Variants in DPP10 observed in about 807,000 individuals in gnomAD.
DPP10 encodes the protein dipeptidyl peptidase like 10.
A neutral mutation model predicts 120.9 loss-of-function variants in DPP10; 33 were observed. The observed-to-expected ratio is 0.27, with a 90% confidence interval of 0.21 to 0.37. DPP10 has a LOEUF of 0.37. Among genes scored for constraint, DPP10 ranks in the 10% least tolerant of loss-of-function variants. The pLI is 1.00. For synonymous variants in DPP10, 337 were observed against 326.1 expected (o/e 1.03, Z -0.36); for missense variants, 816 against 942.8 (o/e 0.87, Z 1.76).
chr2:114,888,130 G>A lies in DPP10; in HGVS notation c.61-421109G>A, dbSNP rs572418299. 3.5e-5 allele frequency among the ~76,000 whole-genome samples: 5 copies of A among 144,076 alleles called. No individual in the cohort carries two copies. In the South Asian group the frequency reaches 6.6e-4, roughly 19 times the overall value. The allele number at this position is 144,076 out of a possible 152,430, so 94.5% of individuals were successfully genotyped here. A position where few individuals can be genotyped will look rare whatever the true frequency, so the allele number is the denominator to read the frequency against. Reference sequence around the variant, plus strand: ...TGCACTCCAGCCTGGGCGACAGAGCGAGCCTCCGTCTCAAAAAAAAAAAAA... The same window carrying A: ...TGCACTCCAGCCTGGGCGACAGAGCAAGCCTCCGTCTCAAAAAAAAAAAAA... On this transcript the variant is annotated intron_variant, in intron 1 of 25. Transcript: ENST00000410059.
At position 115,668,493 on chromosome 2, in the gene DPP10, AG is replaced by A. The variant is rs1299477849; in HGVS notation, c.442-21193del. Reference sequence around the variant, plus strand: ...GAATTTCCCAGACCCCAGGAGCATGAGCCAAATAAACTTCTATTTGTTATAA... The same window carrying A: ...GAATTTCCCAGACCCCAGGAGCATGACCAAATAAACTTCTATTTGTTATAA... On this transcript the variant is annotated intron_variant, in intron 5 of 25. Transcript: ENST00000410059. 1.1e-4 allele frequency among the ~76,000 whole-genome samples: 16 copies of A among 152,222 alleles called. No homozygotes were observed. In the East Asian group the frequency reaches 2.9e-3, roughly 28 times the overall value.
At chr2:115,127,675 G>A (rs2050146073) in intron 1 of DPP10, among the ~76,000 whole-genome samples, 2 of 152,172 alleles carry the variant, frequency 1.3e-5, no homozygotes, top group Non-Finnish European at 2.9e-5. Flanking sequence ...TATTTAATTT[G>A]TAATGTTGTC....
At chr2:115,712,603 A>G (rs1217433801) in intron 7 of DPP10, among the ~76,000 whole-genome samples, 1 of 120,012 alleles carries the variant, frequency 8.3e-6, no homozygotes, top group Non-Finnish European at 1.7e-5. Flanking sequence ...ACAATGTTTC[A>G]TAGTTGTTTT....
intron 1 of DPP10, among the ~76,000 whole-genome samples, chr2:114,596,585 C>T (rs1691926903): frequency 6.6e-6 from 1 of 152,024 alleles, no homozygotes; most frequent in African/African-American, 2.4e-5. Flanking sequence ...TCGGTGTTCA[C>T]TTTGTAGTCA....
intron 1 of DPP10, among the ~76,000 whole-genome samples, chr2:114,660,426 C>T (rs1697312203): frequency 1.3e-5 from 2 of 152,192 alleles, no homozygotes; most frequent in South Asian, 2.1e-4. Context: ...GTGTCCTCCA[C>T]AACCCTAGTT....
chr2:114,819,331 C>T (rs957195599), intron 1 of DPP10, among the ~76,000 whole-genome samples: 4 of 151,940 alleles, frequency 2.6e-5, no homozygotes, highest in Non-Finnish European at 5.9e-5. Flanking sequence ...AGCTTTGAGA[C>T]CCCAAACAAG....
chr2:115,836,674 G>A lies in DPP10; in HGVS notation c.2110G>A (p.Ala704Thr), dbSNP rs1288339516. The A allele has an allele frequency of 1.9e-6, 3 of 1,612,134 alleles. No individual in the cohort carries two copies. Among genetic ancestry groups the A allele is most frequent in the South Asian group, 1.1e-5 (1 of 90,638 alleles). ...CAGATATTTGTATTTTCCTTTATAG[G>A]CAGCCAGTGTGCTACATAATGTTCA... Reference protein sequence around the residue: ...MPSKEESTYQAASVLHNVHGL... With the variant: ...MPSKEESTYQTASVLHNVHGL... The change falls in exon 24 of 26, where the codon GCA becomes ACA. Residue 704 changes from alanine (A) to threonine (T), a missense_variant and splice_region_variant. Around this residue, in one of 3 missense-constraint regions of DPP10, gnomAD observed 592 missense variants for 649.0 expected, o/e 0.91. Coordinates refer to ENST00000410059, the MANE Select transcript of DPP10 (RefSeq NM_020868.6).
At chr2:115,710,469 T>G (rs2092281897) in intron 7 of DPP10, among the ~76,000 whole-genome samples, 1 of 152,140 alleles carries the variant, frequency 6.6e-6, no homozygotes. Context: ...CAAGGCACTT[T>G]GAATTTTTAG....
chr2:115,357,074 T>C (rs1287619978), intron 3 of DPP10, among the ~76,000 whole-genome samples: 5 of 152,220 alleles, frequency 3.3e-5, no homozygotes, highest in Non-Finnish European at 7.3e-5. Flanking sequence ...TTTATGTTCA[T>C]GTGTACTCAA....
chr2:115,141,742 G>C (rs1384924677), intron 1 of DPP10, among the ~76,000 whole-genome samples: 1 of 152,072 alleles, frequency 6.6e-6, no homozygotes, highest in South Asian at 2.1e-4. Context: ...TATTCATTTG[G>C]TGCTTACAAT....
intron 4 of DPP10, among the ~76,000 whole-genome samples, chr2:115,505,119 T>G (rs1039688522): frequency 6.6e-6 from 1 of 152,122 alleles, no homozygotes; most frequent in Admixed American, 6.6e-5. Flanking sequence ...ACCATTTTAT[T>G]GTCAATAATC....
At chr2:114,922,777 G>A (rs886585740) in intron 1 of DPP10, among the ~76,000 whole-genome samples, 4 of 151,974 alleles carry the variant, frequency 2.6e-5, no homozygotes, top group Admixed American at 2.0e-4. Flanking sequence ...ATCACGTTTT[G>A]TTGATCCATT....
At chr2:115,343,988 A>T in intron 3 of DPP10, 76 bp downstream of exon 3, 1 of 1,250,090 alleles carries the variant, frequency 8.0e-7, no homozygotes, top group Non-Finnish European at 1.1e-6. Flanking sequence ...TGAGATGTGT[A>T]AGCTGGGCGC....
chr2:114,824,170 G>C (rs953987998), intron 1 of DPP10, among the ~76,000 whole-genome samples: 14 of 152,174 alleles, frequency 9.2e-5, no homozygotes, highest in Non-Finnish European at 2.1e-4. Flanking sequence ...AAGGATAATA[G>C]GATGAGCTCA....
At chr2:115,333,985 G>T (rs1438109709) in intron 2 of DPP10, among the ~76,000 whole-genome samples, 1 of 151,920 alleles carries the variant, frequency 6.6e-6, no homozygotes, top group Non-Finnish European at 1.5e-5. Context: ...CAAGAAATAT[G>T]GGACTATGTG....
chr2:114,444,030 AG>A (rs1244780295), intron 1 of DPP10, among the ~76,000 whole-genome samples: 1 of 152,180 alleles, frequency 6.6e-6, no homozygotes, highest in Non-Finnish European at 1.5e-5. Flanking sequence ...TGGGGTTTCC[AG>A]GGTATATTAA....
intron 1 of DPP10, among the ~76,000 whole-genome samples, chr2:115,240,696 T>A (rs1343225580): frequency 1.3e-5 from 2 of 152,210 alleles, no homozygotes; most frequent in East Asian, 3.9e-4. Context: ...ATCACGATAT[T>A]TGCTTTATTG....
intron 1 of DPP10, among the ~76,000 whole-genome samples, chr2:114,445,534 C>CTGTGTGTGTG (rs145248880): frequency 1.8e-4 from 26 of 143,624 alleles, no homozygotes; most frequent in African/African-American, 4.1e-4. Context: ...AAAAACAGCT[C>CTGTGTGTGTG]TGTGTGTGTG....
intron 1 of DPP10, among the ~76,000 whole-genome samples, chr2:115,123,762 AT>A (rs1415316061): frequency 6.6e-6 from 1 of 152,088 alleles, no homozygotes; most frequent in African/African-American, 2.4e-5. Context: ...TGCTGTGCTC[AT>A]GTCTCCCTAA....
Sources: allele counts gnomAD v4.1 joint callset (sites outside exome capture counted in the v4.1 genomes callset), GRCh38; gene constraint gnomAD v4.1.1; regional missense constraint gnomAD v4.1.1; transcripts MANE v1.5; gene names NCBI Gene and HGNC (gene_info 2026-07-23, HGNC 2026-07-21).